The following MCF2L2 variants were observed in gnomAD, a reference collection of about 807,000 sequenced individuals.
The protein encoded by MCF2L2 is probable guanine nucleotide exchange factor MCF2L2.
In MCF2L2, 102 loss-of-function variants were observed where a neutral mutation model predicts 150.2. That is an observed-to-expected ratio of 0.68 (90% CI 0.58 to 0.80). MCF2L2 has a LOEUF of 0.80. Ranked by LOEUF, MCF2L2 falls within the 30% of genes least tolerant of loss-of-function variation. The pLI is 0.00. For synonymous variants in MCF2L2, 465 were observed against 491.3 expected (o/e 0.95, Z 0.71); for missense variants, 1,256 against 1,372.8 (o/e 0.91, Z 1.34).
At chr3:183,407,480 G>A (rs906547551) in intron 1 of MCF2L2, among the ~76,000 whole-genome samples, 8 of 152,112 alleles carry the variant, frequency 5.3e-5, no homozygotes, top group African/African-American at 1.4e-4. Flanking sequence ...CTTAAATATG[G>A]ATGATATGTT....
In MCF2L2 at chr3:183,297,056, C is replaced by G. The variant is rs146349996; in HGVS notation, c.1417G>C (p.Gly473Arg). 4.3e-6 allele frequency: 7 copies of G among 1,614,010 alleles called. No homozygotes were observed. The highest frequency in any genetic ancestry group is 4.0e-5 in the African/African-American group (3 of 74,904). ...AGCAACGGGTACTCCTTGACTGTGCCCAGGAATGTCGCAATGTCGTTCAAG... is the reference window on the plus strand; with the variant it reads ...AGCAACGGGTACTCCTTGACTGTGCGCAGGAATGTCGCAATGTCGTTCAAG... Reference protein sequence around the residue: ...IALNDIATFLGTVKEYPLLSP... With the variant: ...IALNDIATFLRTVKEYPLLSP... Residue 473 changes from glycine (G) to arginine (R), a missense_variant, in exon 12 of 30, where the codon GGC (glycine) becomes CGC (arginine). Transcript: ENST00000328913.
Position 183,207,794 on chromosome 3 carries a change from C to T in MCF2L2, c.2526G>A (p.Leu842=), listed in dbSNP as rs1465088138. ...PDDIGKLGKL[L]LHGPFSVWTI... is the part of the protein sequence containing the mutation. ...TCCAGACGCTGAAAGGGCCGTGCAG[C>T]AACAGCTTGCCTAGTTTTCCAATAT... Residue 842 remains leucine (L), a synonymous_variant, in exon 23 of 30, where the codon TTG becomes TTA. Transcript: ENST00000328913. 1.9e-6 allele frequency: 3 copies of T among 1,614,064 alleles called. No homozygotes were observed. The African/African-American group carries it at 4.0e-5, about 22-fold the overall frequency.
chr3:183,399,795 G>A (rs1002486614), intron 1 of MCF2L2, among the ~76,000 whole-genome samples: 11 of 152,274 alleles, frequency 7.2e-5, no homozygotes, highest in Admixed American at 3.9e-4. Flanking sequence ...AATGTAGAGC[G>A]TCTCCTGAAC....
At chr3:183,278,042 G>A (rs991681095) in intron 14 of MCF2L2, among the ~76,000 whole-genome samples, 20 of 150,784 alleles carry the variant, frequency 1.3e-4, no homozygotes, top group Admixed American at 2.0e-4. Context: ...AAAATTAGCC[G>A]GGCATGGTGG....
chr3:183,199,863 G>A (rs528601331), intron 25 of MCF2L2, among the ~76,000 whole-genome samples: 30 of 148,014 alleles, frequency 2.0e-4, no homozygotes, highest in African/African-American at 7.0e-4. Context: ...ACCTATGAGT[G>A]AGAACACACG....
At chr3:183,199,660 G>A (rs9813914) in intron 25 of MCF2L2, among the ~76,000 whole-genome samples, 3,725 of 145,196 alleles carry the variant, frequency 0.026, 142 homozygotes, top group African/African-American at 0.09. Context: ...TCTAGGGTAC[G>A]TGTGCACAAC....
chr3:183,373,446 A>C (rs1356360746), intron 3 of MCF2L2: 1 of 152,188 alleles, frequency 6.6e-6, no homozygotes, highest in African/African-American at 2.4e-5. Context: ...GTGATAGCAA[A>C]AGTAAAGGAC....
At chr3:183,182,997 TTTTA>T (rs767561575) in intron 27 of MCF2L2, among the ~76,000 whole-genome samples, 10 of 152,214 alleles carry the variant, frequency 6.6e-5, no homozygotes, top group Admixed American at 3.3e-4. Context: ...AGCCCTGGGC[TTTTA>T]TTTATTTATT....
At chr3:183,189,299 C>G (rs1005629683) in intron 27 of MCF2L2, among the ~76,000 whole-genome samples, 1 of 152,228 alleles carries the variant, frequency 6.6e-6, no homozygotes, top group Non-Finnish European at 1.5e-5. Flanking sequence ...CATTAAAGCA[C>G]AGTTCAAAGA....
chr3:183,294,501 G>T (rs1001167918), intron 13 of MCF2L2, among the ~76,000 whole-genome samples: 2 of 144,844 alleles, frequency 1.4e-5, no homozygotes, highest in African/African-American at 5.1e-5. Context: ...ACAGGCGCCC[G>T]CCACCATGCC....
Position 183,231,014 on chromosome 3 carries a change from G to A in MCF2L2, c.1866C>T (p.Arg622=). 8.1e-6 allele frequency: 13 copies of A among 1,612,786 alleles called. No homozygotes were observed. Among genetic ancestry groups the A allele is most frequent in the Non-Finnish European group, 1.1e-5 (13 of 1,179,106 alleles). ...ARLGDLSPRR[R]IIRDLLETEE... ...CAGTCTCAAGCAAGTCACGTATAAT[G>A]CGCCTGAATCACAGCAGCAGGTGGG... The change falls in exon 16 of 30, where the codon CGC becomes CGT. Residue 622 remains arginine, a synonymous_variant. Coordinates refer to ENST00000328913, the MANE Select transcript of MCF2L2 (RefSeq NM_015078.4).
At chr3:183,191,639 C>G (rs1186645708) in intron 27 of MCF2L2, among the ~76,000 whole-genome samples, 3 of 152,120 alleles carry the variant, frequency 2.0e-5, no homozygotes, top group African/African-American at 7.2e-5. Flanking sequence ...AAATTTCTTT[C>G]TCCTTCTTCA....
At chr3:183,290,122 CACTT>C (rs1045429648) in intron 13 of MCF2L2, among the ~76,000 whole-genome samples, 9 of 152,184 alleles carry the variant, frequency 5.9e-5, no homozygotes, top group African/African-American at 2.2e-4. Flanking sequence ...GAAGCACAAT[CACTT>C]AGTATATTTC....
chr3:183,274,722 T>C (rs1727056395), intron 15 of MCF2L2, among the ~76,000 whole-genome samples: 1 of 152,218 alleles, frequency 6.6e-6, no homozygotes, highest in South Asian at 2.1e-4. Flanking sequence ...GAACTCTTGA[T>C]ATGCAAGGTT....
chr3:183,387,463 T>C (rs1251232704), intron 2 of MCF2L2, among the ~76,000 whole-genome samples: 12 of 152,168 alleles, frequency 7.9e-5, no homozygotes, highest in Non-Finnish European at 1.8e-4. Context: ...AATGGTGGCA[T>C]TGTATACCAT....
intron 3 of MCF2L2, among the ~76,000 whole-genome samples, chr3:183,357,499 G>C (rs948356191): frequency 1.3e-5 from 2 of 152,158 alleles, no homozygotes; most frequent in African/African-American, 4.8e-5. Context: ...TCCCAAATCT[G>C]AAACTTTTTC....
At chr3:183,321,454 G>C (rs543030337) in intron 6 of MCF2L2, among the ~76,000 whole-genome samples, 1 of 122,786 alleles carries the variant, frequency 8.1e-6, no homozygotes, top group South Asian at 2.3e-4. Flanking sequence ...AAAAAAAAAA[G>C]AAAGAAAGAA....
At chr3:183,359,607 A>C (rs1712005805) in intron 3 of MCF2L2, among the ~76,000 whole-genome samples, 1 of 152,250 alleles carries the variant, frequency 6.6e-6, no homozygotes, top group Non-Finnish European at 1.5e-5. Context: ...ACATTAATTC[A>C]GCCATGAACA....
intron 15 of MCF2L2, among the ~76,000 whole-genome samples, chr3:183,247,307 C>T (rs1724302954): frequency 6.6e-6 from 1 of 152,190 alleles, no homozygotes; most frequent in Non-Finnish European, 1.5e-5. Flanking sequence ...ACAGCAAGGA[C>T]ACAGAGAAGC....
Sources: allele counts gnomAD v4.1 joint callset (sites outside exome capture counted in the v4.1 genomes callset), GRCh38; gene constraint gnomAD v4.1.1; transcripts MANE v1.5; gene names NCBI Gene and HGNC (gene_info 2026-07-23, HGNC 2026-07-21).